The following DNAJC6 variants were observed in gnomAD, a reference collection of about 807,000 sequenced individuals.
DNAJC6 encodes the protein DnaJ heat shock protein family (Hsp40) member C6, also known as auxilin.
DNAJC6 carries 34 observed loss-of-function variants against 110.0 expected under a neutral mutation model. That is an observed-to-expected ratio of 0.31 (90% CI 0.24 to 0.41). DNAJC6 has a LOEUF of 0.41. Ranked by LOEUF, DNAJC6 falls within the 10% of genes least tolerant of loss-of-function variation. The pLI is 1.00. For synonymous variants in DNAJC6, 406 were observed against 437.2 expected (o/e 0.93, Z 0.89); for missense variants, 1,031 against 1,207.8 (o/e 0.85, Z 2.17).
Position 65,415,458 on chromosome 1 carries a change from A to ACG in DNAJC6, c.*2434_*2435insGC, listed in dbSNP as rs1646162104. 6.6e-6 allele frequency: 1 copy of ACG among 150,774 alleles called. No individual in the cohort carries two copies. The highest frequency in any genetic ancestry group is 1.5e-5 in the Non-Finnish European group (1 of 67,824). 9.3% of individuals were successfully genotyped at this position (150,774 alleles called of 1,614,324 possible). ...TAATCACTCCTGCCCCAACACACAC[A>ACG]CACACACACACACACACACACACAC... On this transcript the variant is annotated 3_prime_UTR_variant, in exon 19 of 19. Transcript: ENST00000371069.
At position 65,401,819 on chromosome 1, in the gene DNAJC6, T is replaced by C. The variant is rs763218021; in HGVS notation, c.2166T>C (p.Gly722=). Residue 722 remains glycine, a synonymous_variant, in exon 15 of 19, where the codon GGT becomes GGC. Transcript: ENST00000371069. Reference sequence around the variant, plus strand: ...CCAGCCCAACCGGATCCTCGCATGGTACTCCCACCCATCAAAGCAAACCCC... The same window carrying C: ...CCAGCCCAACCGGATCCTCGCATGGCACTCCCACCCATCAAAGCAAACCCC... The part of the protein sequence containing the change: ...AATSPTGSSH[G]TPTHQSKPQT... 25 of 1,613,862 alleles carry C rather than the reference T, an allele frequency of 1.5e-5. No homozygotes were observed. The highest frequency in any genetic ancestry group is 2.1e-5 in the Non-Finnish European group (25 of 1,179,964).
chr1:65,310,084 G>A, intron 1 of DNAJC6, 146 bp downstream of exon 1: 1 of 919,742 alleles, frequency 1.1e-6, no homozygotes, highest in Non-Finnish European at 1.5e-6. Flanking sequence ...ATACCACCTG[G>A]GTGTCGAGTC....
At chr1:65,291,178 A>C (rs541033362) in intron 1 of DNAJC6, among the ~76,000 whole-genome samples, 6 of 152,256 alleles carry the variant, frequency 3.9e-5, no homozygotes, top group African/African-American at 1.4e-4. Flanking sequence ...AATTACAGGC[A>C]TACACCACCA....
chr1:65,377,615 C>T (rs2101584981), intron 4 of DNAJC6, among the ~76,000 whole-genome samples: 1 of 152,264 alleles, frequency 6.6e-6, no homozygotes, highest in East Asian at 1.9e-4. Flanking sequence ...CTGACATTTG[C>T]CCCACAGTCA....
chr1:65,384,091 A>G (rs1190115211), intron 5 of DNAJC6, 102 bp from the exon 6 acceptor site: 2 of 1,302,666 alleles, frequency 1.5e-6, no homozygotes, highest in Non-Finnish European at 2.0e-6. Flanking sequence ...AGTTAAGAGG[A>G]TTTCTCCTCT....
At chr1:65,296,057 C>T (rs1644925878) in intron 1 of DNAJC6, among the ~76,000 whole-genome samples, 1 of 152,198 alleles carries the variant, frequency 6.6e-6, no homozygotes, top group African/African-American at 2.4e-5. Context: ...AGTCTTCTGC[C>T]TTCTTTTGAA....
At chr1:65,303,600 C>T (rs879757890) in intron 1 of DNAJC6, among the ~76,000 whole-genome samples, 89 of 152,126 alleles carry the variant, frequency 5.9e-4, no homozygotes, top group Non-Finnish European at 1.0e-3. Flanking sequence ...CCTCTGTCAC[C>T]CAGGCTGGAG....
At position 65,392,614 on chromosome 1, in the gene DNAJC6, C is replaced by T. The variant is rs369646074; in HGVS notation, c.1652C>T (p.Pro551Leu). ...CAGGAGCCAGCAGCCCCTCCACCCC[C>T]TGAGGATGTGGACCTTTTGGGCCTG... ...KQQEPAAPPP[P>L]EDVDLLGLEG... The change falls in exon 12 of 19, where the codon CCT (proline) becomes CTT (leucine). Residue 551 changes from proline to leucine, a missense_variant. Pro to Leu is a moderately conservative substitution (Grantham distance 98). Transcript: ENST00000371069. The T allele has an allele frequency of 1.2e-6, 2 of 1,614,024 alleles. No individual in the cohort carries two copies. Among genetic ancestry groups the T allele is most frequent in the Non-Finnish European group, 1.7e-6 (2 of 1,179,968 alleles).
intron 1 of DNAJC6, among the ~76,000 whole-genome samples, chr1:65,292,637 G>A (rs1644890574): frequency 6.6e-6 from 1 of 151,898 alleles, no homozygotes; most frequent in African/African-American, 2.4e-5. Context: ...GTCTCATCAT[G>A]TTGCCTAGGC....
At chr1:65,412,825 A>C (rs1646140744) in intron 18 of DNAJC6, 99 bp from the exon 19 acceptor site, 2 of 1,009,442 alleles carry the variant, frequency 2.0e-6, no homozygotes, top group Non-Finnish European at 3.0e-6. Context: ...ATAGAAAAAC[A>C]TTTCCATTGC....
Position 65,405,987 on chromosome 1 carries a change from G to A in DNAJC6, c.2345G>A (p.Gly782Glu). The change falls in exon 16 of 19, where the codon GGA becomes GAA. Residue 782 changes from glycine to glutamate, a missense_variant. Physicochemically the swap from Gly to Glu is moderately conservative, Grantham distance 98. Transcript: ENST00000371069. ...CCTATGGGTGGCGGGTGGCAGCAGG[G>A]AGGTGCCTACAACTGGCAGCAGCCA... ...PQPMGGGWQQ[G>E]GAYNWQQPQP... is the part of the protein sequence containing the mutation. 1 of 1,614,212 alleles carries A rather than the reference G, an allele frequency of 6.2e-7. No individual in the cohort carries two copies. The highest frequency in any genetic ancestry group is 8.5e-7 in the Non-Finnish European group (1 of 1,180,048).
intron 13 of DNAJC6, among the ~76,000 whole-genome samples, chr1:65,398,417 G>C (rs1001683692): frequency 1.2e-4 from 18 of 152,118 alleles, no homozygotes; most frequent in Non-Finnish European, 2.2e-4. Flanking sequence ...TTTTCTTATT[G>C]CACACTGACT....
chr1:65,304,380 T>G (rs1645018510), intron 1 of DNAJC6, among the ~76,000 whole-genome samples: 1 of 152,220 alleles, frequency 6.6e-6, no homozygotes, highest in South Asian at 2.1e-4. Flanking sequence ...TCTTCTATCT[T>G]GTGTGTTGCT....
chr1:65,364,887 A>C (rs1440114661), intron 2 of DNAJC6, 102 bp downstream of exon 2: 1 of 1,438,394 alleles, frequency 7.0e-7, no homozygotes, highest in African/African-American at 1.4e-5. Flanking sequence ...CAATTTTGGG[A>C]TATAATTTTA....
chr1:65,389,748 C>T, intron 11 of DNAJC6, 121 bp downstream of exon 11: 3 of 1,031,358 alleles, frequency 2.9e-6, no homozygotes, highest in African/African-American at 1.6e-5. Context: ...AATCCAGGCA[C>T]ACGGACTCCC....
chr1:65,384,879 G>A (rs982952210), intron 6 of DNAJC6, among the ~76,000 whole-genome samples: 2 of 152,138 alleles, frequency 1.3e-5, no homozygotes, highest in African/African-American at 4.8e-5. Context: ...GCCCCCATAC[G>A]AAAATTTATG....
rs1162044500 is a variant in DNAJC6 at position 65,380,921 on chromosome 1, G to GTTTTTTTTT, written c.666+1405_666+1413dup. 2.5e-3 allele frequency among the ~76,000 whole-genome samples: 251 copies of GTTTTTTTTT among 99,274 alleles called. 4 individuals are homozygous for GTTTTTTTTT. In the Middle Eastern group the frequency reaches 0.028, roughly 11 times the overall value. The allele number at this position is 99,274 out of a possible 152,430, so 65.1% of individuals were successfully genotyped here. A position where few individuals can be genotyped will look rare whatever the true frequency, so the allele number is the denominator to read the frequency against. The stretch of plus-strand genomic sequence containing the variant: ...TTTTTTTTGTTTTTTGTTTTGTTTT[G>GTTTTTTTTT]TTTTTTTTTTTTTTTTGGGACCGAG... On this transcript the variant is annotated intron_variant, in intron 5 of 18. Transcript: ENST00000371069.
chr1:65,347,895 T>C (rs542222835), intron 1 of DNAJC6, among the ~76,000 whole-genome samples: 3 of 152,344 alleles, frequency 2.0e-5, no homozygotes, highest in African/African-American at 7.2e-5. Context: ...GTTTTTAACA[T>C]GATTTTTCTC....
chr1:65,394,130 G>A, intron 12 of DNAJC6, among the ~76,000 whole-genome samples: 1 of 152,154 alleles, frequency 6.6e-6, no homozygotes, highest in East Asian at 1.9e-4. Context: ...TTTTAAGACT[G>A]TGCACCTGGT....
Sources: allele counts gnomAD v4.1 joint callset (sites outside exome capture counted in the v4.1 genomes callset), GRCh38; gene constraint gnomAD v4.1.1; transcripts MANE v1.5; gene names NCBI Gene and HGNC (gene_info 2026-07-23, HGNC 2026-07-21).